Variants in CSMD1 observed in about 807,000 individuals in gnomAD.
CSMD1 encodes CUB and Sushi multiple domains 1.
In CSMD1, 213 loss-of-function variants were observed where a neutral mutation model predicts 417.5. The ratio of observed to expected loss-of-function variants is 0.51; its 90% confidence interval spans 0.46 to 0.57. CSMD1 has a LOEUF of 0.57. Among genes scored for constraint, CSMD1 ranks in the 20% least tolerant of loss-of-function variants. The pLI is 0.00. For missense variants in CSMD1, 6,923 were observed against 4,529.7 expected, an observed-to-expected ratio of 1.53 and a Z score of -15.17; for synonymous variants, 2,862 against 1,736.8, an observed-to-expected ratio of 1.65 and a Z score of -16.11.
At chr8:4,717,715 T>A (rs1234593826) in intron 1 of CSMD1, among the ~76,000 whole-genome samples, 1 of 152,166 alleles carries the variant, frequency 6.6e-6, no homozygotes, top group South Asian at 2.1e-4. Flanking sequence ...GAGAATCACA[T>A]ACAGTGGAGC....
chr8:3,923,121 C>T (rs1327320518), intron 5 of CSMD1, among the ~76,000 whole-genome samples: 1 of 152,108 alleles, frequency 6.6e-6, no homozygotes, highest in East Asian at 1.9e-4. Flanking sequence ...CCAAACAACT[C>T]ATTAAAAGAG....
At chr8:3,155,730 A>G (rs1372954932) in intron 39 of CSMD1, among the ~76,000 whole-genome samples, 5 of 152,120 alleles carry the variant, frequency 3.3e-5, no homozygotes, top group African/African-American at 1.2e-4. Flanking sequence ...GTTAATCTAG[A>G]CATTTATTTT....
intron 6 of CSMD1, among the ~76,000 whole-genome samples, chr8:3,712,258 T>C (rs1354094163): frequency 1.3e-5 from 2 of 152,128 alleles, no homozygotes; most frequent in Non-Finnish European, 2.9e-5. Flanking sequence ...GTCTGGACAC[T>C]TCTCCCCACA....
At chr8:3,661,678 G>C (rs1049152114) in intron 7 of CSMD1, among the ~76,000 whole-genome samples, 1 of 151,992 alleles carries the variant, frequency 6.6e-6, no homozygotes, top group Non-Finnish European at 1.5e-5. Flanking sequence ...TGTATTTTTA[G>C]TAGAGACGGG....
intron 3 of CSMD1, among the ~76,000 whole-genome samples, chr8:4,311,375 T>C (rs1412766421): frequency 6.6e-6 from 1 of 152,158 alleles, no homozygotes; most frequent in Non-Finnish European, 1.5e-5. Context: ...TGGAGGCCAT[T>C]ATTCTTGGCA....
chr8:4,020,225 T>C (rs1796721314), intron 4 of CSMD1, among the ~76,000 whole-genome samples: 1 of 152,184 alleles, frequency 6.6e-6, no homozygotes, highest in Admixed American at 6.5e-5. Context: ...ACAGATTAAA[T>C]AAATTGACCA....
At chr8:4,010,404 T>C (rs1192417875) in intron 4 of CSMD1, among the ~76,000 whole-genome samples, 1 of 152,180 alleles carries the variant, frequency 6.6e-6, no homozygotes, top group Non-Finnish European at 1.5e-5. Flanking sequence ...CCTCTACCTC[T>C]GCACAAATTC....
intron 6 of CSMD1, among the ~76,000 whole-genome samples, chr8:3,718,539 C>G (rs1377452354): frequency 1.3e-5 from 2 of 152,108 alleles, no homozygotes; most frequent in East Asian, 3.8e-4. Flanking sequence ...GATTGGTTAT[C>G]AGAATCTTTT....
chr8:4,122,953 G>C (rs1055767220), intron 3 of CSMD1, among the ~76,000 whole-genome samples: 9 of 152,206 alleles, frequency 5.9e-5, no homozygotes, highest in African/African-American at 2.2e-4. Flanking sequence ...CTGCAAAGCA[G>C]CACTGTGGCT....
At chr8:3,528,918 TGATA>T (rs1449162721) in intron 10 of CSMD1, among the ~76,000 whole-genome samples, 73 of 152,314 alleles carry the variant, frequency 4.8e-4, no homozygotes, top group African/African-American at 1.6e-3. Flanking sequence ...TGCAAAAATA[TGATA>T]AATAATATAA....
At position 4,220,846 on chromosome 8, in the gene CSMD1, G is replaced by C. The variant is rs75704563; in HGVS notation, c.416-188747C>G. Among the ~76,000 whole-genome samples, 26 of 152,324 alleles carry C rather than the reference G, an allele frequency of 1.7e-4. No individual in the cohort carries two copies. The East Asian group carries it at 4.4e-3, about 26-fold the overall frequency. ...ATGGGGCTGAGTGAGAACTACAAGA[G>C]GAAAAGTAGCTTGGGGTAACAAGTA... On this transcript the variant is annotated intron_variant, in intron 3 of 69. Coordinates refer to ENST00000635120, the MANE Select transcript of CSMD1 (RefSeq NM_033225.6).
chr8:4,778,596 G>A (rs781110764), intron 1 of CSMD1, among the ~76,000 whole-genome samples: 1 of 152,188 alleles, frequency 6.6e-6, no homozygotes, highest in Non-Finnish European at 1.5e-5. Context: ...TGAGAGGGAG[G>A]TCATGTGCAG....
chr8:4,707,702 C>A (rs974831696), intron 1 of CSMD1, among the ~76,000 whole-genome samples: 11 of 151,848 alleles, frequency 7.2e-5, no homozygotes, highest in Non-Finnish European at 1.5e-4. Flanking sequence ...GCCTGCCCAA[C>A]ATGGTCAAAC....
At chr8:4,030,818 C>A (rs548539152) in intron 4 of CSMD1, among the ~76,000 whole-genome samples, 4 of 152,282 alleles carry the variant, frequency 2.6e-5, no homozygotes, top group East Asian at 1.9e-4. Flanking sequence ...CTTTACAGCA[C>A]CCAAGACACC....
chr8:3,488,367 C>G (rs981213776), intron 11 of CSMD1, among the ~76,000 whole-genome samples: 1 of 152,064 alleles, frequency 6.6e-6, no homozygotes, highest in African/African-American at 2.4e-5. Context: ...CTCGGCTTCC[C>G]AAAGTTCCGG....
intron 40 of CSMD1, among the ~76,000 whole-genome samples, chr8:3,144,800 G>T (rs112681819): frequency 3.5e-5 from 5 of 141,336 alleles, no homozygotes; most frequent in Non-Finnish European, 4.6e-5. Flanking sequence ...AACAAGGGGG[G>T]GGGGGAGGGA....
At chr8:3,331,484 G>C (rs919207834) in intron 23 of CSMD1, among the ~76,000 whole-genome samples, 2 of 152,080 alleles carry the variant, frequency 1.3e-5, no homozygotes, top group Non-Finnish European at 2.9e-5. Context: ...ATACTAACAG[G>C]GTTTGAATCC....
intron 11 of CSMD1, among the ~76,000 whole-genome samples, chr8:3,480,938 C>T (rs193186789): frequency 6.6e-6 from 1 of 151,830 alleles, no homozygotes. Flanking sequence ...GAGCGGATCA[C>T]AAGGTCAGGA....
intron 14 of CSMD1, among the ~76,000 whole-genome samples, chr8:3,407,230 A>T (rs761772579): frequency 2.6e-5 from 4 of 151,768 alleles, no homozygotes; most frequent in Non-Finnish European, 5.9e-5. Context: ...ATAAATGGAC[A>T]AAACGATGGA....
Sources: gnomAD v4.1 joint callset for allele counts (sites outside exome capture counted in the v4.1 genomes callset) on GRCh38, gnomAD v4.1.1 for gene constraint, MANE v1.5 for transcripts, NCBI Gene and HGNC (gene_info 2026-07-23, HGNC 2026-07-21) for gene names.